Variants in ADAMTS6 observed in about 807,000 individuals in gnomAD.
ADAMTS6 encodes the protein A disintegrin and metalloproteinase with thrombospondin motifs 6.
ADAMTS6 carries 23 observed loss-of-function variants against 144.3 expected under a neutral mutation model. The ratio of observed to expected loss-of-function variants is 0.16; its 90% confidence interval spans 0.11 to 0.23. The LOEUF (loss-of-function observed/expected upper bound fraction) is 0.23, where lower values mean the gene tolerates loss of function less well. Among genes scored for constraint, ADAMTS6 ranks in the 10% least tolerant of loss-of-function variants. The pLI is 1.00. For synonymous variants in ADAMTS6, 444 were observed against 457.5 expected (o/e 0.97, Z 0.38); for missense variants, 999 against 1,379.6 (o/e 0.72, Z 4.37).
intron 7 of ADAMTS6, among the ~76,000 whole-genome samples, chr5:65,384,756 C>T (rs886961523): frequency 6.6e-6 from 1 of 152,192 alleles, no homozygotes; most frequent in Non-Finnish European, 1.5e-5. Flanking sequence ...GTTGCTTCCA[C>T]ATTTTTAGGT....
chr5:65,475,784 A>C (rs938969076), intron 1 of ADAMTS6, among the ~76,000 whole-genome samples: 2 of 152,352 alleles, frequency 1.3e-5, no homozygotes. Context: ...CTGTGCAAAA[A>C]AACTAACAGG....
chr5:65,260,690 G>T lies in ADAMTS6; in HGVS notation c.1767-27C>A, dbSNP rs373403233. 5 of 1,561,892 alleles carry T rather than the reference G, an allele frequency of 3.2e-6. No individual in the cohort carries two copies. The African/African-American group carries it at 5.4e-5, about 17-fold the overall frequency. ...TGAAAAAACATTGTGTTTAAAATGT[G>T]AATACTAATACATCTGTCCATACAA... On this transcript the variant is annotated intron_variant, in intron 13 of 24. Coordinates refer to ENST00000381055, the MANE Select transcript of ADAMTS6 (RefSeq NM_197941.4).
chr5:65,193,328 C>T (rs951099882), intron 21 of ADAMTS6, among the ~76,000 whole-genome samples: 1 of 151,746 alleles, frequency 6.6e-6, no homozygotes, highest in African/African-American at 2.4e-5. Flanking sequence ...GAGTTCATAT[C>T]CTTAATACAT....
At chr5:65,207,064 T>C (rs1020672633) in intron 20 of ADAMTS6, among the ~76,000 whole-genome samples, 2 of 152,142 alleles carry the variant, frequency 1.3e-5, no homozygotes, top group Admixed American at 6.5e-5. Context: ...ATATGTAAAA[T>C]AAAATCTGTG....
chr5:65,454,222 T>C (rs1160379874), intron 4 of ADAMTS6, among the ~76,000 whole-genome samples: 3 of 152,186 alleles, frequency 2.0e-5, no homozygotes, highest in African/African-American at 7.2e-5. Flanking sequence ...CAGAACCATA[T>C]GCTAAGTAAA....
At chr5:65,344,773 G>T (rs147887371) in intron 7 of ADAMTS6, among the ~76,000 whole-genome samples, 1 of 151,600 alleles carries the variant, frequency 6.6e-6, no homozygotes, top group Non-Finnish European at 1.5e-5. Flanking sequence ...AGACATATTC[G>T]TCTTATTTTC....
At chr5:65,358,840 T>C (rs745376973) in intron 7 of ADAMTS6, among the ~76,000 whole-genome samples, 6 of 152,110 alleles carry the variant, frequency 3.9e-5, no homozygotes, top group Non-Finnish European at 8.8e-5. Flanking sequence ...AGAATGAAAT[T>C]GGACCCTTAA....
chr5:65,358,116 A>G (rs939109702), intron 7 of ADAMTS6, among the ~76,000 whole-genome samples: 14 of 152,004 alleles, frequency 9.2e-5, no homozygotes, highest in African/African-American at 3.4e-4. Context: ...CAGCACATTA[A>G]AAGGATCATT....
At chr5:65,475,210 T>C (rs1420088658) in intron 1 of ADAMTS6, among the ~76,000 whole-genome samples, 1 of 152,158 alleles carries the variant, frequency 6.6e-6, no homozygotes, top group African/African-American at 2.4e-5. Flanking sequence ...AACTGTAAAA[T>C]TAACTTATGT....
Position 65,226,119 on chromosome 5 carries a change from A to C in ADAMTS6, c.2034T>G (p.Asp678Glu). ...CTCCATTGATGCAGATATCCAGTGA[A>C]TCCGCATTGCACTGGGTCCCATCGA... ...AVIDGTQCNA[D>E]SLDICINGEC... is the part of the protein sequence containing the mutation. The change falls in exon 16 of 25, where the codon GAT (aspartate) becomes GAG (glutamate). Residue 678 changes from aspartate (D) to glutamate (E), a missense_variant. By Grantham distance (45) the Asp-to-Glu change is conservative (BLOSUM62 2). Around this residue, in one of 3 missense-constraint regions of ADAMTS6, gnomAD observed 619 missense variants for 837.0 expected, o/e 0.74. Transcript: ENST00000381055. 1 of 1,612,836 alleles carries C rather than the reference A, an allele frequency of 6.2e-7. No homozygotes were observed. The highest frequency in any genetic ancestry group is 8.5e-7 in the Non-Finnish European group (1 of 1,179,222).
At chr5:65,206,834 TCTCTCA>T (rs1386293359) in intron 20 of ADAMTS6, among the ~76,000 whole-genome samples, 14 of 108,412 alleles carry the variant, frequency 1.3e-4, no homozygotes, top group Admixed American at 4.9e-4. Context: ...TCTCTCTCTC[TCTCTCA>T]CACACACACA....
chr5:65,430,719 C>T (rs1580692124), intron 7 of ADAMTS6, among the ~76,000 whole-genome samples: 2 of 152,102 alleles, frequency 1.3e-5, no homozygotes, highest in African/African-American at 2.4e-5. Flanking sequence ...CAAAAAAGAG[C>T]GTGTTTTCAG....
chr5:65,235,824 T>C (rs1758630655), intron 15 of ADAMTS6, among the ~76,000 whole-genome samples: 1 of 152,148 alleles, frequency 6.6e-6, no homozygotes, highest in Non-Finnish European at 1.5e-5. Flanking sequence ...CCCTGACTAA[T>C]ACAGTTGTTA....
At chr5:65,227,355 A>G (rs538978686) in intron 15 of ADAMTS6, among the ~76,000 whole-genome samples, 47 of 150,630 alleles carry the variant, frequency 3.1e-4, no homozygotes, top group Non-Finnish European at 3.0e-5. Flanking sequence ...AGTATATTGG[A>G]AAAATAGCAA....
chr5:65,218,475 C>T (rs999528660), intron 18 of ADAMTS6, among the ~76,000 whole-genome samples: 1 of 152,056 alleles, frequency 6.6e-6, no homozygotes, highest in Non-Finnish European at 1.5e-5. Context: ...GTGATTCAAA[C>T]AGGAGGAAGG....
At chr5:65,164,382 G>A (rs1255773059) in intron 24 of ADAMTS6, among the ~76,000 whole-genome samples, 1 of 151,970 alleles carries the variant, frequency 6.6e-6, no homozygotes, top group Admixed American at 6.6e-5. Context: ...AGGGTCCTAC[G>A]CCCACGGAGT....
rs559279873 is a variant in ADAMTS6 at position 65,151,515 on chromosome 5, G to A, written c.*321C>T. 2.3e-5 allele frequency: 6 copies of A among 259,528 alleles called. No homozygotes were observed. The highest frequency in any genetic ancestry group is 1.0e-4 in the Admixed American group (2 of 19,712). 16.1% of individuals were successfully genotyped at this position (259,528 alleles called of 1,614,324 possible). On this transcript the variant is annotated 3_prime_UTR_variant, in exon 25 of 25. Transcript: ENST00000381055. ...AGTCCATAATAAAAATTATCTTAATGGTCCAAGGAGGTAAACAGGCTATTG... is the reference window on the plus strand; with the variant it reads ...AGTCCATAATAAAAATTATCTTAATAGTCCAAGGAGGTAAACAGGCTATTG...
At chr5:65,225,311 C>A (rs763225744) in intron 16 of ADAMTS6, among the ~76,000 whole-genome samples, 19 of 152,152 alleles carry the variant, frequency 1.2e-4, no homozygotes, top group Non-Finnish European at 2.4e-4. Flanking sequence ...CAAACTGAAT[C>A]ATCAGATATA....
At chr5:65,162,154 A>C (rs1220641414) in intron 24 of ADAMTS6, among the ~76,000 whole-genome samples, 2 of 152,218 alleles carry the variant, frequency 1.3e-5, no homozygotes, top group Admixed American at 6.5e-5. Flanking sequence ...GCCTACTCTG[A>C]AAATAGTTTT....
Sources: allele counts gnomAD v4.1 joint callset (sites outside exome capture counted in the v4.1 genomes callset), GRCh38; gene constraint gnomAD v4.1.1; regional missense constraint gnomAD v4.1.1; transcripts MANE v1.5; gene names NCBI Gene and HGNC (gene_info 2026-07-23, HGNC 2026-07-21).